The following IGSF3 variants were observed in gnomAD, a reference collection of about 807,000 sequenced individuals.
The protein encoded by IGSF3 is immunoglobulin superfamily member 3.
A neutral mutation model predicts 114.4 loss-of-function variants in IGSF3; 23 were observed. The ratio of observed to expected loss-of-function variants is 0.20; its 90% CI spans 0.14 to 0.28. The LOEUF (loss-of-function observed/expected upper bound fraction) is 0.28, where lower values mean the gene tolerates loss of function less well. Ranked by LOEUF, IGSF3 falls within the 10% of genes least tolerant of loss-of-function variation. The pLI is 1.00. For synonymous variants in IGSF3, 571 were observed against 645.2 expected (o/e 0.88, Z 1.74); for missense variants, 1,172 against 1,591.5 (o/e 0.74, Z 4.48).
Position 116,647,838 on chromosome 1 carries a change from T to C in IGSF3, c.43+18446A>G, listed in dbSNP as rs560613084. 6.6e-6 allele frequency among the ~76,000 whole-genome samples: 1 copy of C among 152,306 alleles called. No individual in the cohort carries two copies. Among genetic ancestry groups the C allele is most frequent in the Non-Finnish European group, 1.5e-5 (1 of 68,020 alleles). On this transcript the variant is annotated intron_variant, in intron 2 of 10. Coordinates refer to ENST00000369486, the MANE Select transcript of IGSF3 (RefSeq NM_001007237.3). This position sits in a 1 kb window ranked among gnomAD's most constrained non-coding sequence, Gnocchi z 4.6. Reference sequence around the variant, plus strand: ...AGAGCAGCTGACTGGGCACGGTGGCTCACGCCTGTAATCCAAGCACTTTGG... The same window carrying C: ...AGAGCAGCTGACTGGGCACGGTGGCCCACGCCTGTAATCCAAGCACTTTGG...
chr1:116,645,690 G>A (rs1266582341), intron 2 of IGSF3, among the ~76,000 whole-genome samples: 2 of 152,206 alleles, frequency 1.3e-5, no homozygotes. Flanking sequence ...GAGGAAATCA[G>A]AAAATGTGAG....
At position 116,647,248 on chromosome 1, in the gene IGSF3, G is replaced by A. The variant is rs757183880; in HGVS notation, c.43+19036C>T. On this transcript the variant is annotated intron_variant, in intron 2 of 10. Coordinates refer to ENST00000369486, the MANE Select transcript of IGSF3 (RefSeq NM_001007237.3). The surrounding 1 kb of genome is among the most constrained non-coding windows in gnomAD (Gnocchi z 4.6). ...CTTGACAGCGATGTCTGAGGCTGGC[G>A]TGAGTGCTCCATGCTCAGAGATACC... Among the ~76,000 whole-genome samples, 1 of 152,234 alleles carries A rather than the reference G, an allele frequency of 6.6e-6. No individual in the cohort carries two copies. The highest frequency in any genetic ancestry group is 1.5e-5 in the Non-Finnish European group (1 of 68,046).
chr1:116,646,628 T>C (rs913802451), intron 2 of IGSF3, among the ~76,000 whole-genome samples: 6 of 151,568 alleles, frequency 4.0e-5, no homozygotes, highest in African/African-American at 1.5e-4. Flanking sequence ...AGCGGTGAAA[T>C]ACAGAGGAGG....
chr1:116,634,924 A>G lies in IGSF3; in HGVS notation c.44-18467T>C, dbSNP rs1021218815. Among the ~76,000 whole-genome samples, 1 of 152,126 alleles carries G rather than the reference A, an allele frequency of 6.6e-6. No homozygotes were observed. Among genetic ancestry groups the G allele is most frequent in the African/African-American group, 2.4e-5 (1 of 41,440 alleles). ...GGAAGCCCAAGCTACCCCACAGGAG[A>G]GACAAGGTGAAGAGAATGAGATGCC... On this transcript the variant is annotated intron_variant, in intron 2 of 10. Transcript: ENST00000369486. This position sits in a 1 kb window ranked among gnomAD's most constrained non-coding sequence, Gnocchi z 4.2.
At chr1:116,646,382 C>CA (rs1648371479) in intron 2 of IGSF3, among the ~76,000 whole-genome samples, 1 of 152,218 alleles carries the variant, frequency 6.6e-6, no homozygotes, top group Admixed American at 6.5e-5. Flanking sequence ...AGAAGACTTC[C>CA]AGGAACCTTA....
intron 2 of IGSF3, among the ~76,000 whole-genome samples, chr1:116,645,458 A>G (rs914591082): frequency 6.6e-6 from 1 of 152,262 alleles, no homozygotes; most frequent in Non-Finnish European, 1.5e-5. Context: ...GTTTGTCAAC[A>G]AAGAATTACA....
rs115620207 is a variant in IGSF3, at chr1:116,632,544, T to C, written c.44-16087A>G. Among the ~76,000 whole-genome samples, 39 of 152,312 alleles carry C rather than the reference T, an allele frequency of 2.6e-4. No homozygotes were observed. Among genetic ancestry groups the C allele is most frequent in the African/African-American group, 8.9e-4 (37 of 41,574 alleles). On this transcript the variant is annotated intron_variant, in intron 2 of 10. Coordinates refer to ENST00000369486, the MANE Select transcript of IGSF3 (RefSeq NM_001007237.3). The surrounding 1 kb of genome is among the most constrained non-coding windows in gnomAD (Gnocchi z 5.1). ...GAAAGCAAACCTGGAAGGCAACAAA[T>C]GGACACGTGCGTGCTGAAGGACTCG...
At position 116,585,889 on chromosome 1, in the gene IGSF3, C is replaced by CA. The variant is rs1021806806; in HGVS notation, c.2441-838dup. 9.9e-5 allele frequency among the ~76,000 whole-genome samples: 15 copies of CA among 151,398 alleles called. No homozygotes were observed. Among genetic ancestry groups the CA allele is most frequent in the East Asian group, 1.9e-4 (1 of 5,178 alleles). ...CCTGTGCAACAGAGTGAGACTGTCT[C>CA]AAAAAAAAGAAAAAGAAAAAGAAAA... On this transcript the variant is annotated intron_variant, in intron 8 of 10. Coordinates refer to ENST00000369486, the MANE Select transcript of IGSF3 (RefSeq NM_001007237.3). This position sits in a 1 kb window ranked among gnomAD's most constrained non-coding sequence, Gnocchi z 4.9.
At position 116,576,483 on chromosome 1, in the gene IGSF3, C is replaced by T. The variant is rs907599112; in HGVS notation, c.*829G>A. On this transcript the variant is annotated 3_prime_UTR_variant, in exon 11 of 11. Transcript: ENST00000369486. This position sits in a 1 kb window ranked among gnomAD's most constrained non-coding sequence, Gnocchi z 4.6. ...GGTCAGCAGCTGCTAAAAGCAGCCC[C>T]TGCCCACTTTAATTTGGAAAGTGTG... The T allele has an allele frequency of 5.2e-5, 8 of 152,798 alleles. No individual in the cohort carries two copies. The highest frequency in any genetic ancestry group is 5.2e-4 in the Admixed American group (8 of 15,306). The allele number at this position is 152,798 out of a possible 1,614,324, so 9.5% of individuals were successfully genotyped here.
Position 116,576,218 on chromosome 1 carries a change from TC to T in IGSF3, c.*1093del, listed in dbSNP as rs1370532773. On this transcript the variant is annotated 3_prime_UTR_variant, in exon 11 of 11. Coordinates refer to ENST00000369486, the MANE Select transcript of IGSF3 (RefSeq NM_001007237.3). This position sits in a 1 kb window ranked among gnomAD's most constrained non-coding sequence, Gnocchi z 4.6. ...CCTCACTGTCCCACCAAACTTAGTG[TC>T]AGCCAGCCCCGTGCCCTCCGTCAGG... is the stretch of plus-strand genomic sequence containing the variant. 1 of 152,420 alleles carries T rather than the reference TC, an allele frequency of 6.6e-6. No individual in the cohort carries two copies. Among genetic ancestry groups the T allele is most frequent in the East Asian group, 1.9e-4 (1 of 5,176 alleles). The allele number at this position is 152,420 out of a possible 1,614,324, so 9.4% of individuals were successfully genotyped here.
Position 116,577,172 on chromosome 1 carries a change from G to T in IGSF3, c.*140C>A. On this transcript the variant is annotated 3_prime_UTR_variant, in exon 11 of 11. Coordinates refer to ENST00000369486, the MANE Select transcript of IGSF3 (RefSeq NM_001007237.3). This position sits in a 1 kb window ranked among gnomAD's most constrained non-coding sequence, Gnocchi z 5.7. ...AGGCAGTCTGTCTCTGTGACTGACTGGGAACTTGGAACACTTTTCAAGTCT... is the reference window on the plus strand; with the variant it reads ...AGGCAGTCTGTCTCTGTGACTGACTTGGAACTTGGAACACTTTTCAAGTCT... 1.1e-6 allele frequency: 1 copy of T among 907,268 alleles called. No homozygotes were observed. The highest frequency in any genetic ancestry group is 1.6e-6 in the Non-Finnish European group (1 of 611,900). 56.2% of individuals were successfully genotyped at this position (907,268 alleles called of 1,614,324 possible). A position where few individuals can be genotyped will look rare whatever the true frequency, so the allele number is the denominator to read the frequency against.
In IGSF3 at chr1:116,642,170, A is replaced by G. The variant is rs1452441916; in HGVS notation, c.43+24114T>C. Among the ~76,000 whole-genome samples the G allele has an allele frequency of 6.6e-6, 1 of 151,716 alleles. No individual in the cohort carries two copies. The highest frequency in any genetic ancestry group is 1.9e-4 in the East Asian group (1 of 5,176). On this transcript the variant is annotated intron_variant, in intron 2 of 10. Transcript: ENST00000369486. The surrounding 1 kb of genome is among the most constrained non-coding windows in gnomAD (Gnocchi z 5.4). ...TTTACTTTGAAATATAGAACATTTC[A>G]TTTTTTTCCCACACACCTCGCATCT...
intron 4 of IGSF3, among the ~76,000 whole-genome samples, chr1:116,613,549 G>A (rs1362855577): frequency 2.0e-5 from 3 of 152,232 alleles, no homozygotes; most frequent in African/African-American, 7.2e-5. Context: ...GCAGGACTCA[G>A]TCTGTGTGGC....
chr1:116,601,880 C>T (rs1325007936), intron 6 of IGSF3, among the ~76,000 whole-genome samples: 1 of 152,202 alleles, frequency 6.6e-6, no homozygotes, highest in Non-Finnish European at 1.5e-5. Flanking sequence ...CCTGGCCTCA[C>T]ACCTGAAGGG....
In IGSF3 at chr1:116,635,398, AATATGACCCTCACCCATGGAGT is replaced by A. The variant is rs1246959405; in HGVS notation, c.44-18963_44-18942del. ...AGTCCGTGCCCTTCTCTCATTTCTT[AATATGACCCTCACCCATGGAGT>A]GTCCCTAGATTCTGCTCATTCATAA... On this transcript the variant is annotated intron_variant, in intron 2 of 10. Coordinates refer to ENST00000369486, the MANE Select transcript of IGSF3 (RefSeq NM_001007237.3). Among the ~76,000 whole-genome samples, 22 of 152,260 alleles carry A rather than the reference AATATGACCCTCACCCATGGAGT, an allele frequency of 1.4e-4. 1 individual carries two copies. Among genetic ancestry groups the A allele is most frequent in the Middle Eastern group, 6.8e-3 (2 of 294 alleles).
At position 116,628,233 on chromosome 1, in the gene IGSF3, C is replaced by G. The variant is rs1317351925; in HGVS notation, c.44-11776G>C. ...ACTGGAAAACCTTTGTGACTTAGAC[C>G]ACCCTCCTCAGGACAGCTCCCGCCA... On this transcript the variant is annotated intron_variant, in intron 2 of 10. Transcript: ENST00000369486. The surrounding 1 kb of genome is among the most constrained non-coding windows in gnomAD (Gnocchi z 4.2). 5.3e-5 allele frequency among the ~76,000 whole-genome samples: 8 copies of G among 152,080 alleles called. No homozygotes were observed. In the East Asian group the frequency reaches 7.7e-4, roughly 15 times the overall value.
At chr1:116,609,196 A>T (rs1660917701) in intron 4 of IGSF3, among the ~76,000 whole-genome samples, 1 of 151,922 alleles carries the variant, frequency 6.6e-6, no homozygotes, top group South Asian at 2.1e-4. Context: ...CTCTGAAATG[A>T]TTACTAAACC....
chr1:116,602,958 A>G (rs1210838100), intron 6 of IGSF3, among the ~76,000 whole-genome samples: 1 of 152,214 alleles, frequency 6.6e-6, no homozygotes, highest in African/African-American at 2.4e-5. Flanking sequence ...TAGCTTTGTT[A>G]GGTATGGGCC....
In IGSF3 at chr1:116,594,283, T is replaced by TA. The variant is rs1557861756; in HGVS notation, c.2030-5180dup. ...TTATTTTACTATGAACTACTTTTTT[T>TA]AAAAAAAACTTTCTTTATCCCACAA... On this transcript the variant is annotated intron_variant, in intron 7 of 10. Coordinates refer to ENST00000369486, the MANE Select transcript of IGSF3 (RefSeq NM_001007237.3). The surrounding 1 kb of genome is among the most constrained non-coding windows in gnomAD (Gnocchi z 5.2). Among the ~76,000 whole-genome samples the TA allele has an allele frequency of 3.3e-5, 5 of 152,004 alleles. No homozygotes were observed. The highest frequency in any genetic ancestry group is 2.9e-5 in the Non-Finnish European group (2 of 67,994).
Sources: allele counts gnomAD v4.1 joint callset (sites outside exome capture counted in the v4.1 genomes callset), GRCh38; gene constraint gnomAD v4.1.1; non-coding constraint Gnocchi (gnomAD v3.1); transcripts MANE v1.5; gene names NCBI Gene and HGNC (gene_info 2026-07-23, HGNC 2026-07-21).